The following GALNT17 variants were observed in gnomAD, a reference collection of about 807,000 sequenced individuals.
The protein encoded by GALNT17 is UDP-GalNAc:polypeptide N-acetylgalactosaminyltransferase-like 3.
A neutral mutation model predicts 63.7 loss-of-function variants in GALNT17; 29 were observed. The ratio of observed to expected loss-of-function variants is 0.46; its 90% CI spans 0.34 to 0.62. The LOEUF (loss-of-function observed/expected upper bound fraction) is 0.62, where lower values mean the gene tolerates loss of function less well. GALNT17 is among the 20% of genes least tolerant of loss of function. The pLI is 0.01. For synonymous variants in GALNT17, 305 were observed against 318.3 expected (o/e 0.96, Z 0.45); for missense variants, 603 against 799.6 (o/e 0.75, Z 2.97).
rs1049992303 is a variant in GALNT17, at chr7:71,687,734, T to A, written c.1500+10428T>A. ...AAGGCAGATACTTTTTAAAAATTTTTTTATTAATTAACTATATATTTCATG... is the reference window on the plus strand; with the variant it reads ...AAGGCAGATACTTTTTAAAAATTTTATTATTAATTAACTATATATTTCATG... On this transcript the variant is annotated intron_variant, in intron 9 of 10. Coordinates refer to ENST00000333538, the MANE Select transcript of GALNT17 (RefSeq NM_022479.3). Among the ~76,000 whole-genome samples, 6 of 152,212 alleles carry A rather than the reference T, an allele frequency of 3.9e-5. No individual in the cohort carries two copies. The South Asian group carries it at 1.2e-3, about 31-fold the overall frequency.
chr7:71,575,860 G>A (rs559332278), intron 6 of GALNT17, among the ~76,000 whole-genome samples: 1 of 152,262 alleles, frequency 6.6e-6, no homozygotes, highest in Non-Finnish European at 1.5e-5. Context: ...GCTCTTGCCT[G>A]CATGAAAGGC....
chr7:71,611,882 G>A (rs143411386), intron 6 of GALNT17, among the ~76,000 whole-genome samples: 19 of 152,108 alleles, frequency 1.2e-4, no homozygotes, highest in Admixed American at 1.2e-3. Context: ...TATTGGGAGT[G>A]TGTGGTACAG....
chr7:71,572,504 T>TGAAAA (rs1554310718), intron 6 of GALNT17, among the ~76,000 whole-genome samples: 1 of 44,502 alleles, frequency 2.2e-5, no homozygotes, highest in East Asian at 7.7e-4. Context: ...CCTGTCTCAT[T>TGAAAA]AAAAAAAAAA....
rs1788850467 is a variant in GALNT17, at chr7:71,186,332, G to A, written c.238+53292G>A. The stretch of plus-strand genomic sequence containing the variant: ...AGAAGCTAGGAATCAGATGAGGCCA[G>A]TTTATGGGGGTTTGGACTGCTGCTA... On this transcript the variant is annotated intron_variant, in intron 1 of 10. Coordinates refer to ENST00000333538, the MANE Select transcript of GALNT17 (RefSeq NM_022479.3). Among the ~76,000 whole-genome samples, 3 of 152,244 alleles carry A rather than the reference G, an allele frequency of 2.0e-5. No homozygotes were observed. The South Asian group carries it at 6.2e-4, about 32-fold the overall frequency.
intron 5 of GALNT17, among the ~76,000 whole-genome samples, chr7:71,528,547 T>C (rs959927394): frequency 2.6e-5 from 4 of 151,808 alleles, no homozygotes; most frequent in African/African-American, 9.7e-5. Context: ...GGCCAAAGAG[T>C]AGTACCTATG....
intron 5 of GALNT17, among the ~76,000 whole-genome samples, chr7:71,537,803 A>T (rs1000840743): frequency 6.6e-6 from 1 of 152,198 alleles, no homozygotes; most frequent in Non-Finnish European, 1.5e-5. Context: ...ACAGAGTGAG[A>T]CACTGTCTCA....
chr7:71,421,712 G>A (rs1425396998), intron 5 of GALNT17, among the ~76,000 whole-genome samples: 1 of 152,144 alleles, frequency 6.6e-6, no homozygotes, highest in Non-Finnish European at 1.5e-5. Context: ...CACTGTGGGA[G>A]GCCAAAGTGG....
chr7:71,239,039 G>C (rs935738711), intron 1 of GALNT17, among the ~76,000 whole-genome samples: 2 of 152,150 alleles, frequency 1.3e-5, no homozygotes, highest in African/African-American at 4.8e-5. Context: ...CTTGTCCCCA[G>C]TCAAGCCTAG....
chr7:71,340,983 A>C (rs1397328024), intron 2 of GALNT17, among the ~76,000 whole-genome samples: 2 of 152,208 alleles, frequency 1.3e-5, no homozygotes, highest in African/African-American at 4.8e-5. Context: ...GGTTGCAGTG[A>C]GCCCAGATTG....
intron 5 of GALNT17, among the ~76,000 whole-genome samples, chr7:71,500,256 T>C (rs1788159213): frequency 6.6e-6 from 1 of 152,184 alleles, no homozygotes; most frequent in Non-Finnish European, 1.5e-5. Flanking sequence ...TAATGTCTAT[T>C]CTGTATGTTT....
At chr7:71,682,667 C>T (rs918264731) in intron 9 of GALNT17, among the ~76,000 whole-genome samples, 2 of 152,018 alleles carry the variant, frequency 1.3e-5, no homozygotes, top group South Asian at 4.2e-4. Flanking sequence ...ATCTCGGCCT[C>T]TCAAGTAGCT....
intron 3 of GALNT17, among the ~76,000 whole-genome samples, chr7:71,401,473 G>A (rs1793239440): frequency 6.6e-6 from 1 of 151,986 alleles, no homozygotes; most frequent in African/African-American, 2.4e-5. Context: ...TGTAAAGCAG[G>A]GGTCCCCAAC....
intron 9 of GALNT17, among the ~76,000 whole-genome samples, chr7:71,699,972 T>A (rs1409476273): frequency 6.6e-6 from 1 of 151,876 alleles, no homozygotes; most frequent in African/African-American, 2.4e-5. Flanking sequence ...TGTATGATGA[T>A]AAAATATTCC....
chr7:71,559,138 A>G (rs1789212169), intron 5 of GALNT17, among the ~76,000 whole-genome samples: 1 of 152,160 alleles, frequency 6.6e-6, no homozygotes, highest in Admixed American at 6.5e-5. Context: ...AGCTGGATGC[A>G]GTGTTTGATT....
chr7:71,410,448 GT>G (rs2116417623), intron 3 of GALNT17, among the ~76,000 whole-genome samples: 1 of 152,234 alleles, frequency 6.6e-6, no homozygotes, highest in South Asian at 2.1e-4. Flanking sequence ...GTTTCACCAC[GT>G]TGGCCAGGCT....
chr7:71,445,397 A>G (rs998980309), intron 5 of GALNT17, among the ~76,000 whole-genome samples: 16 of 149,530 alleles, frequency 1.1e-4, no homozygotes, highest in African/African-American at 3.7e-4. Flanking sequence ...GGGTTTTGCC[A>G]TGTTGGCCAG....
chr7:71,594,998 G>A (rs1040340318), intron 6 of GALNT17, among the ~76,000 whole-genome samples: 6 of 152,138 alleles, frequency 3.9e-5, no homozygotes, highest in Non-Finnish European at 5.9e-5. Context: ...TTCATGTTGT[G>A]ATAAAGAGAG....
At chr7:71,330,757 C>T (rs940296245) in intron 1 of GALNT17, among the ~76,000 whole-genome samples, 19 of 152,180 alleles carry the variant, frequency 1.2e-4, no homozygotes, top group African/African-American at 4.6e-4. Context: ...CTCTTGAAGT[C>T]TTGGGGTTCA....
intron 1 of GALNT17, among the ~76,000 whole-genome samples, chr7:71,158,970 A>G (rs770551718): frequency 3.3e-5 from 5 of 151,820 alleles, no homozygotes; most frequent in African/African-American, 4.9e-5. Context: ...TACAATTTTT[A>G]TATTTCTTAA....
Sources: gnomAD v4.1 joint callset for allele counts (sites outside exome capture counted in the v4.1 genomes callset) on GRCh38, gnomAD v4.1.1 for gene constraint, MANE v1.5 for transcripts, NCBI Gene and HGNC (gene_info 2026-07-23, HGNC 2026-07-21) for gene names.